Variants in SLC12A9 observed in about 807,000 individuals in gnomAD.
SLC12A9 encodes the protein solute carrier family 12 member 9.
In SLC12A9, 55 loss-of-function variants were observed where a neutral mutation model predicts 66.0. The observed-to-expected ratio is 0.83, with a 90% confidence interval of 0.67 to 1.04. The LOEUF (loss-of-function observed/expected upper bound fraction) is 1.04. SLC12A9 is among the 50% of genes least tolerant of loss of function. The pLI, the probability that SLC12A9 is intolerant of heterozygous loss-of-function variation, is 0.00. For missense variants in SLC12A9, 1,061 were observed against 1,241.9 expected (o/e 0.85, Z 2.19); for synonymous variants, 577 against 569.0 (o/e 1.01, Z -0.20).
At chr7:100,828,105 G>A (rs1391555110) in intron 1 of SLC12A9, among the ~76,000 whole-genome samples, 1 of 152,206 alleles carries the variant, frequency 6.6e-6, no homozygotes, top group Non-Finnish European at 1.5e-5. Context: ...GCCTTGCAGC[G>A]AACGTTCACA....
In SLC12A9 at chr7:100,860,199, G is replaced by T. The variant is rs1330391418; in HGVS notation, c.1185G>T (p.Trp395Cys). 6.2e-7 allele frequency: 1 copy of T among 1,614,186 alleles called. No homozygotes were observed. Among genetic ancestry groups the T allele is most frequent in the East Asian group, 2.2e-5 (1 of 44,890 alleles). Residue 395 changes from tryptophan (W) to cysteine (C), a missense_variant, in exon 9 of 14, where the codon TGG becomes TGT. By Grantham distance (215) the Trp-to-Cys change is radical. Transcript: ENST00000354161. ...TTGTGTCCCGAGGGGGAAACCCCTG[G>T]GCAGCTGTACTTTATTCTTGGGGCC... Reference protein sequence around the residue: ...AKVVSRGGNPWAAVLYSWGLV... With the variant: ...AKVVSRGGNPCAAVLYSWGLV...
intron 1 of SLC12A9, among the ~76,000 whole-genome samples, chr7:100,835,009 G>A (rs1370309291): frequency 6.6e-6 from 1 of 152,136 alleles, no homozygotes; most frequent in Non-Finnish European, 1.5e-5. Flanking sequence ...ACTGCAGCCT[G>A]GGCAACAGAG....
upstream of SLC12A9, among the ~76,000 whole-genome samples, chr7:100,848,753 G>A (rs1009960169): frequency 4.0e-5 from 6 of 151,688 alleles, no homozygotes; most frequent in Non-Finnish European, 8.8e-5. Context: ...GTGCGTGGTG[G>A]CGGGAGCCTG....
chr7:100,848,083 CAAAAAAAAA>C (rs36071720), upstream of SLC12A9, among the ~76,000 whole-genome samples: 5 of 43,964 alleles, frequency 1.1e-4, no homozygotes, highest in African/African-American at 2.7e-4. Context: ...GACTCCATCT[CAAAAAAAAA>C]AAAAAAAAAA....
chr7:100,859,853 A>T (rs745979574), intron 7 of SLC12A9, 32 bp from the exon 8 acceptor site: 1 of 1,577,332 alleles, frequency 6.3e-7, no homozygotes, highest in East Asian at 2.3e-5. Flanking sequence ...GTGACGCATG[A>T]TCATCCGTGT....
intron 1 of SLC12A9, among the ~76,000 whole-genome samples, chr7:100,836,997 T>C (rs1813674127): frequency 6.6e-6 from 1 of 152,094 alleles, no homozygotes; most frequent in African/African-American, 2.4e-5. Context: ...CTGGGATCCC[T>C]AGAATTGAGG....
At chr7:100,854,437 G>C (rs1814261532) in intron 2 of SLC12A9, 59 bp downstream of exon 2, 1 of 1,598,890 alleles carries the variant, frequency 6.3e-7, no homozygotes, top group African/African-American at 1.4e-5. Context: ...ATGATGGGGA[G>C]GGGTGGAGAT....
chr7:100,831,116 C>T (rs1486763222), intron 1 of SLC12A9, among the ~76,000 whole-genome samples: 1 of 152,236 alleles, frequency 6.6e-6, no homozygotes, highest in East Asian at 1.9e-4. Flanking sequence ...TCACACGGTG[C>T]ATTGTCGGTA....
upstream of SLC12A9, among the ~76,000 whole-genome samples, chr7:100,848,499 A>AAAATAAAAT (rs1813967874): frequency 6.9e-6 from 1 of 145,614 alleles, no homozygotes; most frequent in Non-Finnish European, 1.5e-5. Context: ...CCAAGTCTCA[A>AAAATAAAAT]AAATAAATAA....
intron 1 of SLC12A9, among the ~76,000 whole-genome samples, chr7:100,853,797 C>T (rs905274057): frequency 1.3e-5 from 2 of 151,314 alleles, no homozygotes; most frequent in African/African-American, 4.9e-5. Context: ...GGTGTGATGT[C>T]GGCTCACTGC....
chr7:100,847,107 C>T (rs531699495), intron 1 of SLC12A9, among the ~76,000 whole-genome samples: 2 of 152,248 alleles, frequency 1.3e-5, no homozygotes, highest in South Asian at 2.1e-4. Context: ...AGAGTCTTGC[C>T]GATGCCCCCG....
Position 100,861,730 on chromosome 7 carries a change from T to C in SLC12A9, c.1537-7T>C, listed in dbSNP as rs772876469. The stretch of plus-strand genomic sequence containing the variant: ...CCACTTCCCCACTGCCTCACCCCTA[T>C]ACCCAGGTGCGTAAGTATCTGCTTC... On this transcript the variant is annotated splice_polypyrimidine_tract_variant and splice_region_variant and intron_variant, in intron 11 of 13. Coordinates refer to ENST00000354161, the MANE Select transcript of SLC12A9 (RefSeq NM_020246.4). This position sits in a 1 kb window ranked among gnomAD's most constrained non-coding sequence, Gnocchi z 5.3. 6.2e-7 allele frequency: 1 copy of C among 1,614,104 alleles called. No individual in the cohort carries two copies. Among genetic ancestry groups the C allele is most frequent in the Admixed American group, 1.7e-5 (1 of 60,020 alleles).
rs771301713 is a variant in SLC12A9 at position 100,861,925 on chromosome 7, C to CCACT, written c.1711+28_1711+31dup. 6 of 1,570,924 alleles carry CCACT rather than the reference C, an allele frequency of 3.8e-6. 1 individual carries two copies. In the East Asian group the frequency reaches 6.8e-5, roughly 18 times the overall value. The stretch of plus-strand genomic sequence containing the variant: ...TGGGAGACCTCGGTGAGCTGCCCTC[C>CCACT]CACTCACTCACTCACTCCCATCCTT... On this transcript the variant is annotated intron_variant, in intron 12 of 13. Transcript: ENST00000354161. This position sits in a 1 kb window ranked among gnomAD's most constrained non-coding sequence, Gnocchi z 5.3.
intron 1 of SLC12A9, among the ~76,000 whole-genome samples, chr7:100,842,242 C>A (rs1000081794): frequency 1.3e-5 from 2 of 152,190 alleles, no homozygotes; most frequent in African/African-American, 4.8e-5. Flanking sequence ...TAACTCTTTT[C>A]ATCTATTCTA....
Position 100,860,009 on chromosome 7 carries a change from A to ATCC in SLC12A9, c.1106_1108dup (p.Leu369dup). 1 of 1,613,824 alleles carries ATCC rather than the reference A, an allele frequency of 6.2e-7. No individual in the cohort carries two copies. Among genetic ancestry groups the ATCC allele is most frequent in the Non-Finnish European group, 8.5e-7 (1 of 1,179,766 alleles). On this transcript the variant is annotated inframe_insertion, in exon 8 of 14. Transcript: ENST00000354161. ...GAGCTCGCTCATTGGTGCCTCCCGC[A>ATCC]TCCTCCATGCCCTGGCCCGGGATGA...
Position 100,865,870 on chromosome 7 carries a change from G to A in SLC12A9, c.2010G>A (p.Arg670=), listed in dbSNP as rs34433055. 0.013 allele frequency: 20,899 copies of A among 1,613,678 alleles called. 178 individuals carry two copies. Among genetic ancestry groups the A allele is most frequent in the Non-Finnish European group, 0.015 (17,718 of 1,179,994 alleles). Residue 670 remains arginine, a synonymous_variant, in exon 14 of 14, where the codon CGG becomes CGA. Transcript: ENST00000354161. ...TGAGCACCCTGTTCCCTCCTCCCCGGGCTCCTGGGAGCCCCCGGGCCCTCA... is the reference window on the plus strand; with the variant it reads ...TGAGCACCCTGTTCCCTCCTCCCCGAGCTCCTGGGAGCCCCCGGGCCCTCA... The part of the protein sequence containing the change: ...PALSTLFPPP[R]APGSPRALNP...
At chr7:100,855,879 G>T in intron 4 of SLC12A9, 42 bp downstream of exon 4, 2 of 1,535,328 alleles carry the variant, frequency 1.3e-6, no homozygotes, top group Non-Finnish European at 1.8e-6. Flanking sequence ...CGGGTTTACA[G>T]GGTCTGGGAG....
chr7:100,828,936 T>A (rs186533959), intron 1 of SLC12A9, among the ~76,000 whole-genome samples: 9 of 151,602 alleles, frequency 5.9e-5, no homozygotes, highest in Admixed American at 3.3e-4. Context: ...AGTCAGCCCC[T>A]CCAAGGGGCA....
At chr7:100,828,767 G>A (rs1813482596) in intron 1 of SLC12A9, among the ~76,000 whole-genome samples, 1 of 151,974 alleles carries the variant, frequency 6.6e-6, no homozygotes, top group Non-Finnish European at 1.5e-5. Flanking sequence ...GGATGGCTGG[G>A]AGGGGCCCTT....
Sources: gnomAD v4.1 joint callset for allele counts (sites outside exome capture counted in the v4.1 genomes callset) on GRCh38, gnomAD v4.1.1 for gene constraint, Gnocchi (gnomAD v3.1) non-coding constraint, MANE v1.5 for transcripts, NCBI Gene and HGNC (gene_info 2026-07-23, HGNC 2026-07-21) for gene names.